ADGRV1: variants seen among roughly 807,000 people sequenced by gnomAD.
The protein encoded by ADGRV1 is adhesion G protein-coupled receptor V1.
In ADGRV1, 359 loss-of-function variants were observed where a neutral mutation model predicts 596.2. That is an observed-to-expected ratio of 0.60 (90% CI 0.55 to 0.66). The LOEUF (loss-of-function observed/expected upper bound fraction) is 0.66, where lower values mean the gene tolerates loss of function less well. Ranked by LOEUF, ADGRV1 falls within the 30% of genes least tolerant of loss-of-function variation. The probability of loss-of-function intolerance (pLI) is 0.00; values close to 1 mark genes in which losing one functional copy is unlikely to be tolerated. For synonymous variants in ADGRV1, 2,681 were observed against 2,679.2 expected (o/e 1.00, Z -0.02); for missense variants, 7,274 against 7,575.6 (o/e 0.96, Z 1.48).
Position 90,637,952 on chromosome 5 carries a change from A to G in ADGRV1, c.2240+4A>G. ...CTGTAACACTTTCTCTAGACAGGTA[A>G]TAACCCATTTAGGTAATGTTTAGTA... On this transcript the variant is annotated splice_donor_region_variant and intron_variant, in intron 11 of 89. Transcript: ENST00000405460. The G allele has an allele frequency of 6.3e-7, 1 of 1,597,004 alleles. No individual in the cohort carries two copies.
intron 58 of ADGRV1, among the ~76,000 whole-genome samples, chr5:90,761,773 C>T (rs749076491): frequency 1.3e-4 from 20 of 152,134 alleles, no homozygotes; most frequent in Admixed American, 2.6e-4. Context: ...GTAAAGCATG[C>T]GTGCTTGAGC....
chr5:91,041,097 G>A (rs879741860), intron 85 of ADGRV1, among the ~76,000 whole-genome samples: 3 of 152,124 alleles, frequency 2.0e-5, no homozygotes, highest in Non-Finnish European at 2.9e-5. Context: ...CAAGGATCTA[G>A]AACTAGAAAT....
At chr5:90,610,442 A>G (rs1762601857) in intron 1 of ADGRV1, among the ~76,000 whole-genome samples, 1 of 151,986 alleles carries the variant, frequency 6.6e-6, no homozygotes, top group Admixed American at 6.6e-5. Flanking sequence ...CACTGAGTCA[A>G]TATGGTACAC....
rs908818 is a variant in ADGRV1, at chr5:90,651,430, C to T, written c.3290-174C>T. ...GTATGTTTGTACTTATGTGTGTATA[C>T]ATAAACATCTTTGGAAATATGGAGC... is the stretch of plus-strand genomic sequence containing the variant. On this transcript the variant is annotated intron_variant, in intron 17 of 89. Coordinates refer to ENST00000405460, the MANE Select transcript of ADGRV1 (RefSeq NM_032119.4). Among the ~76,000 whole-genome samples, 60,765 of 151,920 alleles carry T rather than the reference C, an allele frequency of 0.4. 12,671 individuals carry two copies. The highest frequency in any genetic ancestry group is 0.55 in the Admixed American group (8,436 of 15,252).
At chr5:91,007,783 A>C (rs1212833870) in intron 85 of ADGRV1, among the ~76,000 whole-genome samples, 1 of 152,184 alleles carries the variant, frequency 6.6e-6, no homozygotes, top group African/African-American at 2.4e-5. Context: ...TAAAGCTGCA[A>C]CTTCAGATCA....
At chr5:91,138,963 G>T (rs1794875352) in intron 87 of ADGRV1, among the ~76,000 whole-genome samples, 1 of 151,960 alleles carries the variant, frequency 6.6e-6, no homozygotes, top group Admixed American at 6.6e-5. Flanking sequence ...TAGAGACAGG[G>T]TTTCACCATG....
chr5:91,083,340 A>G (rs1011264601), intron 86 of ADGRV1, among the ~76,000 whole-genome samples: 10 of 152,156 alleles, frequency 6.6e-5, no homozygotes, highest in Non-Finnish European at 1.2e-4. Flanking sequence ...ATGTATACAT[A>G]TGTAACAAAC....
At chr5:91,107,132 T>C (rs1791946857) in intron 87 of ADGRV1, among the ~76,000 whole-genome samples, 1 of 152,178 alleles carries the variant, frequency 6.6e-6, no homozygotes, top group Non-Finnish European at 1.5e-5. Context: ...ATCTGATCAT[T>C]TGCATTTCTA....
intron 85 of ADGRV1, among the ~76,000 whole-genome samples, chr5:91,066,078 T>C (rs2151375240): frequency 6.6e-6 from 1 of 152,344 alleles, no homozygotes; most frequent in Middle Eastern, 3.4e-3. Flanking sequence ...TCTCCTCACC[T>C]TTTTAAGGAA....
In ADGRV1 at chr5:90,870,186, C is replaced by T. The variant is rs141689501; in HGVS notation, c.17856+6329C>T. Among the ~76,000 whole-genome samples the T allele has an allele frequency of 4.6e-5, 7 of 152,194 alleles. No individual in the cohort carries two copies. In the East Asian group the frequency reaches 5.8e-4, roughly 13 times the overall value. The stretch of plus-strand genomic sequence containing the variant: ...CTCTGAGACAGGTTGGGTAGAGAAC[C>T]TGTGTATATAGAATACATATAACTA... On this transcript the variant is annotated intron_variant, in intron 83 of 89. Transcript: ENST00000405460.
At chr5:90,953,031 C>A (rs1310681219) in intron 83 of ADGRV1, among the ~76,000 whole-genome samples, 1 of 152,090 alleles carries the variant, frequency 6.6e-6, no homozygotes, top group Non-Finnish European at 1.5e-5. Context: ...CATTGGTTAG[C>A]TTGGACCAAG....
chr5:91,068,079 G>T (rs1283868224), intron 85 of ADGRV1, among the ~76,000 whole-genome samples: 1 of 152,152 alleles, frequency 6.6e-6, no homozygotes, highest in Non-Finnish European at 1.5e-5. Flanking sequence ...TCCCTTTGCA[G>T]ATACAGAGTA....
chr5:91,043,485 A>G (rs1785536887), intron 85 of ADGRV1, among the ~76,000 whole-genome samples: 1 of 152,082 alleles, frequency 6.6e-6, no homozygotes, highest in African/African-American at 2.4e-5. Flanking sequence ...CACAGTGGTT[A>G]GAGCACAGAC....
At chr5:90,587,743 G>A (rs1274833728) in intron 1 of ADGRV1, among the ~76,000 whole-genome samples, 1 of 151,818 alleles carries the variant, frequency 6.6e-6, no homozygotes, top group Non-Finnish European at 1.5e-5. Context: ...ATTTTTAGTA[G>A]AGATGAGGTT....
At chr5:90,903,257 C>T (rs1043446229) in intron 83 of ADGRV1, among the ~76,000 whole-genome samples, 1 of 152,028 alleles carries the variant, frequency 6.6e-6, no homozygotes, top group Admixed American at 6.6e-5. Flanking sequence ...TAACATTCTT[C>T]CGGTATTCAT....
At chr5:90,688,160 A>G (rs1195514672) in intron 29 of ADGRV1, among the ~76,000 whole-genome samples, 4 of 152,186 alleles carry the variant, frequency 2.6e-5, no homozygotes, top group African/African-American at 9.7e-5. Flanking sequence ...ACAAGGCTAC[A>G]GTAACCAAAA....
intron 86 of ADGRV1, among the ~76,000 whole-genome samples, chr5:91,085,968 C>T (rs754555533): frequency 2.9e-4 from 44 of 152,230 alleles, no homozygotes; most frequent in Admixed American, 4.6e-4. Context: ...TCACTCATAA[C>T]GTTGGACACC....
chr5:90,639,965 T>C (rs994880820), intron 11 of ADGRV1, among the ~76,000 whole-genome samples: 4 of 152,202 alleles, frequency 2.6e-5, no homozygotes, highest in Non-Finnish European at 5.9e-5. Flanking sequence ...TCAAATTCTC[T>C]ATATTTCAAC....
chr5:90,650,874 G>T (rs1299122649), intron 17 of ADGRV1, among the ~76,000 whole-genome samples: 1 of 152,190 alleles, frequency 6.6e-6, no homozygotes, highest in Non-Finnish European at 1.5e-5. Context: ...CTTGAGCTGG[G>T]TTCTCAGGAA....
Sources: gnomAD v4.1 joint callset for allele counts (sites outside exome capture counted in the v4.1 genomes callset) on GRCh38, gnomAD v4.1.1 for gene constraint, MANE v1.5 for transcripts, NCBI Gene and HGNC (gene_info 2026-07-23, HGNC 2026-07-21) for gene names.